Variants in ST6GALNAC6 observed in about 807,000 individuals in gnomAD.
ST6GALNAC6 encodes alpha-N-acetylgalactosaminide alpha-2,6-sialyltransferase 6.
A neutral mutation model predicts 34.3 loss-of-function variants in ST6GALNAC6; 19 were observed. The ratio of observed to expected loss-of-function variants is 0.55; its 90% CI spans 0.39 to 0.81. The LOEUF (loss-of-function observed/expected upper bound fraction) is 0.81. Among genes scored for constraint, ST6GALNAC6 ranks in the 40% least tolerant of loss-of-function variants. ST6GALNAC6 has a pLI of 0.00. For synonymous variants in ST6GALNAC6, 185 were observed against 182.1 expected (o/e 1.02, Z -0.13); for missense variants, 377 against 467.7 (o/e 0.81, Z 1.79).
chr9:127,896,847 G>A (rs1298915446), intron 2 of ST6GALNAC6: 1 of 985,242 alleles, frequency 1.0e-6, no homozygotes, highest in Non-Finnish European at 1.2e-6. Flanking sequence ...CATCCCCCCA[G>A]GCTAAGAGCT....
rs151098507 is a variant in ST6GALNAC6 at position 127,896,289 on chromosome 9, G to T, written c.70C>A (p.Arg24=). 17 of 1,613,922 alleles carry T rather than the reference G, an allele frequency of 1.1e-5. No homozygotes were observed. Among genetic ancestry groups the T allele is most frequent in the Middle Eastern group, 1.6e-4 (1 of 6,084 alleles). ...SLPPGPPAGR[R]HLPLSRRRRE... Reference sequence around the variant, plus strand: ...CGGCGTCTGCTGAGGGGTAGGTGTCGGCGTCCTGCAGGTGGCCCTGGGGGC... The same window carrying T: ...CGGCGTCTGCTGAGGGGTAGGTGTCTGCGTCCTGCAGGTGGCCCTGGGGGC... Residue 24 remains arginine, a synonymous_variant, in exon 3 of 7, where the codon CGA becomes AGA. Coordinates refer to ENST00000373146, the MANE Select transcript of ST6GALNAC6 (RefSeq NM_013443.5).
At chr9:127,887,446 G>A (rs1393936067) in intron 6 of ST6GALNAC6, 38 bp downstream of exon 6, 8 of 1,560,720 alleles carry the variant, frequency 5.1e-6, no homozygotes, top group Non-Finnish European at 7.0e-6. Context: ...CCAGTGCCTG[G>A]GTGTTGTCCT....
At chr9:127,892,147 A>G (rs1181167207) in intron 4 of ST6GALNAC6, among the ~76,000 whole-genome samples, 8 of 152,156 alleles carry the variant, frequency 5.3e-5, no homozygotes, top group Non-Finnish European at 1.0e-4. Context: ...GCGAAACTCC[A>G]TCTCAAAAAA....
At chr9:127,898,668 G>A (rs573622439) in intron 1 of ST6GALNAC6, among the ~76,000 whole-genome samples, 43 of 152,378 alleles carry the variant, frequency 2.8e-4, no homozygotes, top group African/African-American at 9.9e-4. Context: ...TACAGATAAG[G>A]AGACTGAGGT....
intron 3 of ST6GALNAC6, 132 bp downstream of exon 3, chr9:127,896,110 C>T: frequency 9.2e-7 from 1 of 1,083,422 alleles, no homozygotes. Flanking sequence ...ATCTGGGCCT[C>T]CCAGGCATGG....
intron 3 of ST6GALNAC6, among the ~76,000 whole-genome samples, chr9:127,894,984 C>T (rs144231842): frequency 1.8e-4 from 27 of 152,268 alleles, no homozygotes; most frequent in East Asian, 1.7e-3. Flanking sequence ...GAAGGTTCTC[C>T]GGGAGGGTTT....
chr9:127,887,303 G>A (rs1829833544), intron 6 of ST6GALNAC6, among the ~76,000 whole-genome samples, 181 bp downstream of exon 6: 1 of 152,078 alleles, frequency 6.6e-6, no homozygotes, highest in African/African-American at 2.4e-5. Flanking sequence ...AACTCTGGCG[G>A]AGCTTGGAGT....
In ST6GALNAC6 at chr9:127,899,506, C is replaced by A; in HGVS notation, c.-33G>T. ...CTCCCGCGCGGCGCCTGCTCACCTC[C>A]GGCGGGGAGCGCCCGGCCCCCCGCG... On this transcript the variant is annotated 5_prime_UTR_variant, in exon 1 of 7. Transcript: ENST00000373146. 1 of 979,980 alleles carries A rather than the reference C, an allele frequency of 1.0e-6. No homozygotes were observed. Among genetic ancestry groups the A allele is most frequent in the South Asian group, 4.6e-5 (1 of 21,608 alleles). The allele number at this position is 979,980 out of a possible 1,614,324, so 60.7% of individuals were successfully genotyped here.
chr9:127,897,150 C>G (rs531278765), intron 2 of ST6GALNAC6: 1 of 984,168 alleles, frequency 1.0e-6, no homozygotes, highest in Admixed American at 6.1e-5. Context: ...TCCGCACACC[C>G]CAATCTCTTC....
At chr9:127,891,491 C>T (rs1262715209) in intron 4 of ST6GALNAC6, among the ~76,000 whole-genome samples, 1 of 151,364 alleles carries the variant, frequency 6.6e-6, no homozygotes, top group Non-Finnish European at 1.5e-5. Flanking sequence ...GTGGCGCGTG[C>T]CTGTAATCAC....
At chr9:127,901,252 A>C (rs1015927986), upstream of ST6GALNAC6, among the ~76,000 whole-genome samples, 1 of 152,348 alleles carries the variant, frequency 6.6e-6, no homozygotes, top group African/African-American at 2.4e-5. Flanking sequence ...GATGAATCTT[A>C]GAGACACAAG....
At chr9:127,896,649 A>C (rs1217703258) in intron 2 of ST6GALNAC6, among the ~76,000 whole-genome samples, 5 of 152,078 alleles carry the variant, frequency 3.3e-5, no homozygotes, top group Non-Finnish European at 7.4e-5. Flanking sequence ...AGCCCCATTC[A>C]CACCCTGCTC....
At chr9:127,899,109 G>C (rs1449310118) in intron 1 of ST6GALNAC6, among the ~76,000 whole-genome samples, 1 of 152,180 alleles carries the variant, frequency 6.6e-6, no homozygotes, top group East Asian at 1.9e-4. Context: ...AAGGGGGAGG[G>C]GGGCTCCTAA....
At chr9:127,900,586 A>AG (rs1830715872), upstream of ST6GALNAC6, among the ~76,000 whole-genome samples, 1 of 149,300 alleles carries the variant, frequency 6.7e-6, no homozygotes, top group Non-Finnish European at 1.5e-5. Flanking sequence ...AAAAAAAAAA[A>AG]GAAGGATGCA....
At position 127,894,610 on chromosome 9, in the gene ST6GALNAC6, C is replaced by T. The variant is rs960316814; in HGVS notation, c.199G>A (p.Val67Ile). ...CCCCGCAGGGAGCCGTAATGGAAGA[C>T]CTCATTGGCACTGTTGGAGCTGTAG... ...ILYSSNSANE[V>I]FHYGSLRGRS... Residue 67 changes from valine (V) to isoleucine (I), a missense_variant, in exon 4 of 7, where the codon GTC becomes ATC. Val to Ile is a conservative substitution (Grantham distance 29). Transcript: ENST00000373146. 9.3e-6 allele frequency: 15 copies of T among 1,614,078 alleles called. No homozygotes were observed. The highest frequency in any genetic ancestry group is 1.3e-5 in the Non-Finnish European group (15 of 1,180,038).
chr9:127,897,708 GC>G, intron 2 of ST6GALNAC6: 1 of 854,840 alleles, frequency 1.2e-6, no homozygotes, highest in South Asian at 1.9e-5. Flanking sequence ...TCCTGGGGTG[GC>G]CCCATCTGCC....
upstream of ST6GALNAC6, among the ~76,000 whole-genome samples, chr9:127,901,866 G>T (rs7470371): frequency 2.0e-5 from 3 of 151,922 alleles, no homozygotes; most frequent in Non-Finnish European, 4.4e-5. Context: ...CTAGGATGTG[G>T]AGGTTGCAGT....
At chr9:127,906,094 C>T (rs1331092742), upstream of ST6GALNAC6, 22 of 937,300 alleles carry the variant, frequency 2.3e-5, no homozygotes, top group Non-Finnish European at 2.8e-5. Flanking sequence ...GGCACAAAAG[C>T]GGTGCTGTGA....
At chr9:127,894,727 C>G in intron 3 of ST6GALNAC6, 36 bp from the exon 4 acceptor site, 1 of 1,511,540 alleles carries the variant, frequency 6.6e-7, no homozygotes, top group Non-Finnish European at 8.8e-7. Flanking sequence ...GCCCAGCTGC[C>G]GGGCAGGCTC....
Sources: gnomAD v4.1 joint callset for allele counts (sites outside exome capture counted in the v4.1 genomes callset) on GRCh38, gnomAD v4.1.1 for gene constraint, MANE v1.5 for transcripts, NCBI Gene and HGNC (gene_info 2026-07-23, HGNC 2026-07-21) for gene names.